Variants in XPO1 observed in about 807,000 individuals in gnomAD.
XPO1 encodes exportin-1.
XPO1 carries 5 observed loss-of-function variants against 133.3 expected under a neutral mutation model. The observed-to-expected ratio is 0.04, with a 90% CI of 0.02 to 0.08. The LOEUF is 0.08. Among genes scored for constraint, XPO1 ranks in the 10% least tolerant of loss-of-function variants. The pLI is 1.00. For synonymous variants in XPO1, 419 were observed against 408.2 expected, an observed-to-expected ratio of 1.03 and a Z score of -0.32; for missense variants, 506 against 1,267.5, an observed-to-expected ratio of 0.40 and a Z score of 9.12.
At chr2:61,508,444 C>T (rs1223524413) in intron 4 of XPO1, among the ~76,000 whole-genome samples, 1 of 152,122 alleles carries the variant, frequency 6.6e-6, no homozygotes, top group African/African-American at 2.4e-5. Flanking sequence ...CTAACAGTCC[C>T]ATTTCAAATA....
In XPO1 at chr2:61,502,398, G is replaced by T. The variant is rs1697571558; in HGVS notation, c.302-88C>A. Reference sequence around the variant, plus strand: ...TTTGAGAACTAATTAATGTGGGAATGGAAAGACTAAGTAAAATCAGTTAAT... The same window carrying T: ...TTTGAGAACTAATTAATGTGGGAATTGAAAGACTAAGTAAAATCAGTTAAT... On this transcript the variant is annotated intron_variant, in intron 4 of 24. Coordinates refer to ENST00000401558, the MANE Select transcript of XPO1 (RefSeq NM_003400.4). The T allele has an allele frequency of 1.2e-5, 15 of 1,251,930 alleles. No homozygotes were observed. In the South Asian group the frequency reaches 1.9e-4, roughly 16 times the overall value. 77.6% of individuals were successfully genotyped at this position (1,251,930 alleles called of 1,614,324 possible). A position where few individuals can be genotyped will look rare whatever the true frequency, so the allele number is the denominator to read the frequency against.
At chr2:61,537,398 T>C (rs1699400376) in intron 1 of XPO1, among the ~76,000 whole-genome samples, 164 bp downstream of exon 1, 1 of 149,750 alleles carries the variant, frequency 6.7e-6, no homozygotes, top group Non-Finnish European at 1.5e-5. Context: ...AGCGGCTCCA[T>C]TCAATCGCAG....
intron 4 of XPO1, among the ~76,000 whole-genome samples, chr2:61,505,006 T>C (rs1470384302): frequency 1.3e-5 from 2 of 152,172 alleles, no homozygotes; most frequent in Non-Finnish European, 2.9e-5. Flanking sequence ...AAATGGAAAA[T>C]ATATTTTTTA....
intron 1 of XPO1, among the ~76,000 whole-genome samples, chr2:61,535,775 G>A (rs1699332472): frequency 6.6e-6 from 1 of 152,036 alleles, no homozygotes; most frequent in Non-Finnish European, 1.5e-5. Context: ...TTTTTAAACA[G>A]CAGAATACTT....
intron 1 of XPO1, among the ~76,000 whole-genome samples, chr2:61,535,434 G>C (rs17010317): frequency 6.6e-6 from 1 of 152,110 alleles, no homozygotes; most frequent in Non-Finnish European, 1.5e-5. Context: ...AGGAACTTTC[G>C]TGGACCAGAA....
At chr2:61,487,739 A>G (rs188792248) in intron 19 of XPO1, among the ~76,000 whole-genome samples, 7 of 152,306 alleles carry the variant, frequency 4.6e-5, no homozygotes, top group African/African-American at 1.7e-4. Flanking sequence ...ATCATTTAGG[A>G]AAAAGGGTGT....
chr2:61,506,956 G>C (rs541356916), intron 4 of XPO1, among the ~76,000 whole-genome samples: 1 of 151,982 alleles, frequency 6.6e-6, no homozygotes, highest in Non-Finnish European at 1.5e-5. Context: ...AAGGCCGGGC[G>C]CGGTGGCTCA....
intron 11 of XPO1, chr2:61,494,306 A>T: frequency 2.2e-6 from 1 of 457,970 alleles, no homozygotes; most frequent in Non-Finnish European, 3.9e-6. Flanking sequence ...ATAGTAGTTG[A>T]TCAATATGTA....
chr2:61,518,941 ACTTT>A (rs1698547104), intron 4 of XPO1, among the ~76,000 whole-genome samples: 1 of 152,156 alleles, frequency 6.6e-6, no homozygotes, highest in Non-Finnish European at 1.5e-5. Context: ...AAACATCCTT[ACTTT>A]CTAATTATGT....
At chr2:61,500,178 G>T (rs968138427) in intron 6 of XPO1, among the ~76,000 whole-genome samples, 2 of 152,108 alleles carry the variant, frequency 1.3e-5, no homozygotes, top group Non-Finnish European at 2.9e-5. Context: ...CTGCCTGATA[G>T]ATATGTAGAA....
intron 9 of XPO1, 139 bp downstream of exon 9, chr2:61,498,534 T>C (rs1229782041): frequency 4.8e-6 from 5 of 1,049,812 alleles, no homozygotes; most frequent in South Asian, 3.8e-5. Context: ...GGTGTGAATA[T>C]GGGAAATTTC....
chr2:61,523,478 C>A (rs1326725024), intron 3 of XPO1, among the ~76,000 whole-genome samples: 1 of 152,142 alleles, frequency 6.6e-6, no homozygotes, highest in Non-Finnish European at 1.5e-5. Flanking sequence ...ATTTATAAAG[C>A]CCCAGGAGTT....
intron 16 of XPO1, among the ~76,000 whole-genome samples, chr2:61,491,446 A>C (rs1327937258): frequency 7.2e-6 from 1 of 138,942 alleles, no homozygotes; most frequent in African/African-American, 2.7e-5. Context: ...GTGAAACTCC[A>C]TCTCAAAAAA....
Position 61,526,909 on chromosome 2 carries a change from T to C in XPO1, c.127-388A>G, listed in dbSNP as rs1698929431. ...TTTTAGTAGAGATGGGGTTTCACCA[T>C]GTTGGCCAGGCTGGTCTTGAACTCC... On this transcript the variant is annotated intron_variant, in intron 2 of 24. Coordinates refer to ENST00000401558, the MANE Select transcript of XPO1 (RefSeq NM_003400.4). 2.0e-5 allele frequency among the ~76,000 whole-genome samples: 3 copies of C among 152,118 alleles called. No homozygotes were observed. In the South Asian group the frequency reaches 6.2e-4, roughly 32 times the overall value.
chr2:61,502,124 G>T, intron 5 of XPO1, 84 bp from the exon 6 acceptor site: 1 of 1,496,154 alleles, frequency 6.7e-7, no homozygotes, highest in Non-Finnish European at 9.2e-7. Flanking sequence ...AATGATTACA[G>T]CTCTACTGTA....
chr2:61,488,425 TAA>T (rs927783896), intron 18 of XPO1, among the ~76,000 whole-genome samples, 154 bp from the exon 19 acceptor site: 13 of 152,202 alleles, frequency 8.5e-5, no homozygotes, highest in African/African-American at 3.1e-4. Context: ...AGACTAATTT[TAA>T]AAGGGAAAGG....
intron 2 of XPO1, among the ~76,000 whole-genome samples, chr2:61,530,040 T>C (rs776790218): frequency 6.6e-6 from 1 of 152,234 alleles, no homozygotes; most frequent in Non-Finnish European, 1.5e-5. Context: ...GTGGCTTATC[T>C]AGGGCCAAAG....
At chr2:61,502,760 C>A (rs1261676766) in intron 4 of XPO1, among the ~76,000 whole-genome samples, 1 of 150,392 alleles carries the variant, frequency 6.6e-6, no homozygotes, top group Non-Finnish European at 1.5e-5. Context: ...AAAAAAAAAT[C>A]AATGAATTTA....
At position 61,526,645 on chromosome 2, in the gene XPO1, G is replaced by A; in HGVS notation, c.127-124C>T. The A allele has an allele frequency of 1.4e-5, 9 of 625,652 alleles. No homozygotes were observed. In the South Asian group the frequency reaches 1.5e-4, roughly 11 times the overall value. The allele number at this position is 625,652 out of a possible 1,614,324, so 38.8% of individuals were successfully genotyped here. A position where few individuals can be genotyped will look rare whatever the true frequency, so the allele number is the denominator to read the frequency against. On this transcript the variant is annotated intron_variant, in intron 2 of 24. Transcript: ENST00000401558. The stretch of plus-strand genomic sequence containing the variant: ...ACAGAGATTCTATTATTGATGTTCA[G>A]AAATACTCAAAAATTAGACCTTACA...
Sources: allele counts gnomAD v4.1 joint callset (sites outside exome capture counted in the v4.1 genomes callset), GRCh38; gene constraint gnomAD v4.1.1; transcripts MANE v1.5; gene names NCBI Gene and HGNC (gene_info 2026-07-23, HGNC 2026-07-21).